NTRK3: variants seen among roughly 807,000 people sequenced by gnomAD.
NTRK3 encodes neurotrophic receptor tyrosine kinase 3.
NTRK3 carries 24 observed loss-of-function variants against 91.7 expected under a neutral mutation model. That is an observed-to-expected ratio of 0.26 (90% CI 0.19 to 0.37). The LOEUF is 0.37. NTRK3 is among the 10% of genes least tolerant of loss of function. The pLI, the probability that NTRK3 is intolerant of heterozygous loss-of-function variation, is 1.00. For missense variants in NTRK3, 880 were observed against 1,068.9 expected (o/e 0.82, Z 2.46); for synonymous variants, 483 against 404.0 (o/e 1.20, Z -2.34).
chr15:88,015,960 A>G (rs572222472), intron 14 of NTRK3, among the ~76,000 whole-genome samples: 1 of 151,604 alleles, frequency 6.6e-6, no homozygotes, highest in East Asian at 1.9e-4. Context: ...AAGGTCTATG[A>G]TAGGCTACTA....
At chr15:88,201,170 A>C (rs2048273613) in intron 3 of NTRK3, among the ~76,000 whole-genome samples, 1 of 152,226 alleles carries the variant, frequency 6.6e-6, no homozygotes, top group South Asian at 2.1e-4. Context: ...AAGCCCTGAT[A>C]TCTTACCCAC....
intron 13 of NTRK3, among the ~76,000 whole-genome samples, chr15:88,113,580 T>G (rs1208322679): frequency 1.3e-5 from 2 of 152,214 alleles, no homozygotes; most frequent in African/African-American, 4.8e-5. Context: ...CCTCCCAAAG[T>G]GCTGGGATTA....
intron 17 of NTRK3, 50 bp from the exon 19 acceptor site, chr15:87,880,478 G>A (rs2141470575): frequency 1.9e-6 from 3 of 1,589,800 alleles, no homozygotes; most frequent in Non-Finnish European, 2.6e-6. Flanking sequence ...TGGCCAGAAT[G>A]AGTGTTATCT....
Position 88,010,413 on chromosome 15 carries a change from G to A in NTRK3, c.1585+22444C>T, listed in dbSNP as rs572540015. ...AGGCTCCAACCACCGCCTCTATAAT[G>A]ATTTAAGATATGAGTATCCTGGGGA... On this transcript the variant is annotated intron_variant, in intron 14 of 18. Transcript: ENST00000394480. Among the ~76,000 whole-genome samples the A allele has an allele frequency of 2.6e-5, 4 of 152,220 alleles. No individual in the cohort carries two copies. The South Asian group carries it at 8.3e-4, about 32-fold the overall frequency.
chr15:88,168,823 G>A (rs192485227), intron 5 of NTRK3, among the ~76,000 whole-genome samples: 118 of 152,322 alleles, frequency 7.7e-4, no homozygotes, highest in African/African-American at 2.3e-3. Flanking sequence ...ACTCAGTTTC[G>A]ACAAGCATCA....
intron 3 of NTRK3, among the ~76,000 whole-genome samples, chr15:88,227,390 T>C (rs1598059883): frequency 6.6e-6 from 1 of 152,140 alleles, no homozygotes; most frequent in South Asian, 2.1e-4. Flanking sequence ...TATTTGGAGA[T>C]AGAACCTTTA....
intron 3 of NTRK3, among the ~76,000 whole-genome samples, chr15:88,200,647 CT>C (rs2048225616): frequency 6.6e-6 from 1 of 152,202 alleles, no homozygotes; most frequent in African/African-American, 2.4e-5. Context: ...GATGTTTTTG[CT>C]TCCCCTTCTG....
At chr15:87,986,727 G>A (rs963699528) in intron 14 of NTRK3, among the ~76,000 whole-genome samples, 1 of 152,152 alleles carries the variant, frequency 6.6e-6, no homozygotes, top group Non-Finnish European at 1.5e-5. Flanking sequence ...AAAAAGTTGC[G>A]ATCAATATTA....
chr15:87,952,549 C>A (rs1304589080), intron 14 of NTRK3, among the ~76,000 whole-genome samples: 4 of 152,218 alleles, frequency 2.6e-5, no homozygotes, highest in African/African-American at 9.6e-5. Flanking sequence ...CTCCGTAACT[C>A]AGCCCAGCTC....
At chr15:87,880,395 T>C in exon 18 of NTRK3, 1 of 1,614,192 alleles carries the variant, frequency 6.2e-7, no homozygotes, top group Non-Finnish European at 8.5e-7. Flanking sequence ...TCAGGAGGCA[T>C]CCAGCGAATG....
At chr15:87,911,568 G>C (rs1481215996) in intron 17 of NTRK3, among the ~76,000 whole-genome samples, 1 of 152,178 alleles carries the variant, frequency 6.6e-6, no homozygotes, top group Non-Finnish European at 1.5e-5. Flanking sequence ...ACCACCCTCA[G>C]GTGTCAACTA....
At chr15:88,198,211 A>G (rs2047996882) in intron 3 of NTRK3, among the ~76,000 whole-genome samples, 1 of 152,154 alleles carries the variant, frequency 6.6e-6, no homozygotes, top group Admixed American at 6.5e-5. Flanking sequence ...TGAGGCTGTG[A>G]CAGACGTGTA....
rs531282771 is a variant in NTRK3 at position 88,128,014 on chromosome 15, C to T, written c.1228+697G>A. 3.3e-5 allele frequency among the ~76,000 whole-genome samples: 5 copies of T among 152,276 alleles called. No homozygotes were observed. In the East Asian group the frequency reaches 9.6e-4, roughly 29 times the overall value. On this transcript the variant is annotated intron_variant, in intron 11 of 18. Transcript: ENST00000394480. Reference sequence around the variant, plus strand: ...GAAATCACAGATATTGACATCAGTGCCAGAAAGCCGAGGGTGTTTCTAAAC... The same window carrying T: ...GAAATCACAGATATTGACATCAGTGTCAGAAAGCCGAGGGTGTTTCTAAAC...
chr15:87,869,996 A>G (rs1005510890), exon 19 of NTRK3: 1 of 192,584 alleles, frequency 5.2e-6, no homozygotes, highest in Non-Finnish European at 1.1e-5. Flanking sequence ...GGGATGTTGC[A>G]TGTAAAAGAA....
At chr15:88,055,684 C>T (rs2045615315) in intron 13 of NTRK3, among the ~76,000 whole-genome samples, 1 of 152,134 alleles carries the variant, frequency 6.6e-6, no homozygotes, top group Non-Finnish European at 1.5e-5. Context: ...CAAGTTCACT[C>T]AATCAACCAA....
intron 14 of NTRK3, among the ~76,000 whole-genome samples, chr15:88,022,464 G>T (rs2077670034): frequency 6.6e-6 from 1 of 152,182 alleles, no homozygotes; most frequent in Admixed American, 6.5e-5. Flanking sequence ...CCTGAATCCA[G>T]TTGACGAAGA....
intron 17 of NTRK3, among the ~76,000 whole-genome samples, chr15:87,915,048 A>G (rs1412461890): frequency 2.0e-5 from 3 of 151,876 alleles, no homozygotes; most frequent in East Asian, 1.9e-4. Flanking sequence ...GGTGATGGTG[A>G]TGATGGTGAT....
intron 1 of NTRK3, 72 bp downstream of exon 1, chr15:88,256,572 A>G: frequency 2.0e-6 from 1 of 495,368 alleles, no homozygotes; most frequent in Non-Finnish European, 3.5e-6. Flanking sequence ...AGTCCCACCT[A>G]CTGGGCAGAA....
intron 14 of NTRK3, among the ~76,000 whole-genome samples, chr15:87,951,549 C>A (rs907944167): frequency 2.6e-5 from 4 of 152,178 alleles, no homozygotes; most frequent in African/African-American, 9.7e-5. Flanking sequence ...GTCTGCTTAC[C>A]CTCATTCTTT....
Sources: gnomAD v4.1 joint callset for allele counts (sites outside exome capture counted in the v4.1 genomes callset) on GRCh38, gnomAD v4.1.1 for gene constraint, MANE v1.5 for transcripts, NCBI Gene and HGNC (gene_info 2026-07-23, HGNC 2026-07-21) for gene names.